The following CHSY1 variants were observed in gnomAD, a reference collection of about 807,000 sequenced individuals.
CHSY1 encodes N-acetylgalactosaminyl-proteoglycan 3-beta-glucuronosyltransferase 1.
Under a neutral mutation model 59.8 loss-of-function variants are expected in CHSY1, and 13 were observed. The ratio of observed to expected loss-of-function variants is 0.22; its 90% confidence interval spans 0.14 to 0.35. The LOEUF (loss-of-function observed/expected upper bound fraction) is 0.35. Ranked by LOEUF, CHSY1 falls within the 10% of genes least tolerant of loss-of-function variation. The probability of loss-of-function intolerance (pLI) is 1.00; values close to 1 mark genes in which losing one functional copy is unlikely to be tolerated. For synonymous variants in CHSY1, 459 were observed against 401.2 expected, an observed-to-expected ratio of 1.14 and a Z score of -1.72; for missense variants, 947 against 1,030.6, an observed-to-expected ratio of 0.92 and a Z score of 1.11.
chr15:101,217,756 G>A (rs944771431), intron 2 of CHSY1, among the ~76,000 whole-genome samples: 3 of 152,142 alleles, frequency 2.0e-5, no homozygotes, highest in Non-Finnish European at 2.9e-5. Context: ...AATAAATGAG[G>A]AAGAACAGAC....
intron 1 of CHSY1, among the ~76,000 whole-genome samples, chr15:101,238,665 T>C (rs1009947949): frequency 6.6e-6 from 1 of 152,228 alleles, no homozygotes; most frequent in African/African-American, 2.4e-5. Context: ...TTGTTAATGT[T>C]TTCCCTTAGT....
chr15:101,233,167 C>T (rs1398414991), intron 2 of CHSY1, among the ~76,000 whole-genome samples: 5 of 152,152 alleles, frequency 3.3e-5, no homozygotes, highest in African/African-American at 7.2e-5. Context: ...GATTACCTCC[C>T]GTCAGAGGAA....
At chr15:101,186,139 G>T (rs1484177985) in intron 2 of CHSY1, among the ~76,000 whole-genome samples, 3 of 122,026 alleles carry the variant, frequency 2.5e-5, no homozygotes, top group Non-Finnish European at 3.3e-5. Context: ...GTGAAACCTT[G>T]TCTCTACCAA....
chr15:101,243,586 A>G (rs1354282132), intron 1 of CHSY1, among the ~76,000 whole-genome samples: 3 of 152,162 alleles, frequency 2.0e-5, no homozygotes, highest in Non-Finnish European at 2.9e-5. Context: ...GTGGTCACCC[A>G]CATCACTTTT....
intron 2 of CHSY1, among the ~76,000 whole-genome samples, chr15:101,234,246 A>T (rs1225082544): frequency 6.6e-6 from 1 of 152,258 alleles, no homozygotes; most frequent in Non-Finnish European, 1.5e-5. Flanking sequence ...AAACTCACAG[A>T]TTAAAGTAAC....
At chr15:101,206,038 C>T (rs950858372) in intron 2 of CHSY1, among the ~76,000 whole-genome samples, 8 of 152,106 alleles carry the variant, frequency 5.3e-5, no homozygotes, top group African/African-American at 1.7e-4. Flanking sequence ...TTCCTATAGA[C>T]AGTAATACGC....
chr15:101,209,102 T>C (rs1259000156), intron 2 of CHSY1, among the ~76,000 whole-genome samples: 1 of 152,178 alleles, frequency 6.6e-6, no homozygotes, highest in Non-Finnish European at 1.5e-5. Context: ...AGAGTAACTT[T>C]ACAGTGGAGA....
At chr15:101,208,511 G>A (rs189058742) in intron 2 of CHSY1, among the ~76,000 whole-genome samples, 169 of 152,200 alleles carry the variant, frequency 1.1e-3, no homozygotes, top group African/African-American at 3.6e-3. Context: ...TCAGGAGTTC[G>A]AGACCAGCCT....
intron 2 of CHSY1, among the ~76,000 whole-genome samples, chr15:101,181,506 T>A (rs113973624): frequency 0.014 from 2,064 of 152,364 alleles, 40 homozygotes; most frequent in African/African-American, 0.043. Context: ...GAGAACAGTC[T>A]GAAGCATGTG....
intron 2 of CHSY1, among the ~76,000 whole-genome samples, chr15:101,216,198 G>A (rs1431345913): frequency 7.1e-6 from 1 of 140,542 alleles, no homozygotes; most frequent in East Asian, 2.9e-4. Flanking sequence ...ATGAGACACC[G>A]CTATATAACT....
intron 2 of CHSY1, among the ~76,000 whole-genome samples, chr15:101,200,639 G>A (rs1457695724): frequency 1.3e-5 from 2 of 152,120 alleles, no homozygotes; most frequent in East Asian, 3.8e-4. Context: ...TGCAGCTCCC[G>A]AGTCTCTCCG....
chr15:101,189,354 C>T (rs745684050), intron 2 of CHSY1: 35 of 743,586 alleles, frequency 4.7e-5, no homozygotes, highest in Non-Finnish European at 5.1e-5. Flanking sequence ...TCTACGAGAA[C>T]GTGATATAAG....
At chr15:101,195,250 G>A (rs1376487654) in intron 2 of CHSY1, among the ~76,000 whole-genome samples, 1 of 152,118 alleles carries the variant, frequency 6.6e-6, no homozygotes, top group Non-Finnish European at 1.5e-5. Flanking sequence ...ATTATACTTT[G>A]CAAACTATAC....
intron 2 of CHSY1, among the ~76,000 whole-genome samples, chr15:101,232,545 C>T (rs1417621647): frequency 6.6e-6 from 1 of 152,122 alleles, no homozygotes; most frequent in African/African-American, 2.4e-5. Context: ...AGAAAACATA[C>T]AGGAGAAAAC....
At chr15:101,243,840 G>A (rs540695524) in intron 1 of CHSY1, among the ~76,000 whole-genome samples, 2 of 152,296 alleles carry the variant, frequency 1.3e-5, no homozygotes, top group Admixed American at 6.5e-5. Context: ...GGATCCGTGT[G>A]CGCCTCTAAA....
At position 101,235,259 on chromosome 15, in the gene CHSY1, C is replaced by A; in HGVS notation, c.639G>T (p.Glu213Asp). Residue 213 changes from glutamate to aspartate, a missense_variant, in exon 2 of 3, where the codon GAG (glutamate) becomes GAT (aspartate). Coordinates refer to ENST00000254190, the MANE Select transcript of CHSY1 (RefSeq NM_014918.5). ...CCCCCATGCAGAAGTTCTCACCAGG[C>A]TCCAGGGCCAGTTTTCCCATTTCTT... is the stretch of plus-strand genomic sequence containing the variant. ...TTEEMGKLAL[E>D]PGENFCMGGP... The A allele has an allele frequency of 6.2e-7, 1 of 1,614,196 alleles. No homozygotes were observed. The highest frequency in any genetic ancestry group is 8.5e-7 in the Non-Finnish European group (1 of 1,180,036).
chr15:101,230,311 G>A (rs2038881293), intron 2 of CHSY1, among the ~76,000 whole-genome samples: 2 of 152,292 alleles, frequency 1.3e-5, no homozygotes, highest in East Asian at 1.9e-4. Context: ...GGGTCTGCCT[G>A]GTTCTCAGGC....
intron 2 of CHSY1, among the ~76,000 whole-genome samples, chr15:101,206,912 G>A (rs956664287): frequency 6.6e-6 from 1 of 152,154 alleles, no homozygotes; most frequent in Non-Finnish European, 1.5e-5. Flanking sequence ...CATAAAAAAA[G>A]TCTCTCTCCC....
rs1440338801 is a variant in CHSY1 at position 101,178,829 on chromosome 15, T to G, written c.968A>C (p.Lys323Thr). The G allele has an allele frequency of 6.2e-7, 1 of 1,614,216 alleles. No individual in the cohort carries two copies. The highest frequency in any genetic ancestry group is 8.5e-7 in the Non-Finnish European group (1 of 1,180,036). ...TGTGCGATGGCGGAGCTCGGATATC[T>G]TGCGGCTCAGCATGTAGCTGTGGAG... Reference protein sequence around the residue: ...YRLHSYMLSRKISELRHRTIQ... With the variant: ...YRLHSYMLSRTISELRHRTIQ... The change falls in exon 3 of 3, where the codon AAG becomes ACG. Residue 323 changes from lysine (K) to threonine (T), a missense_variant. This residue lies in a region of CHSY1 where 602 missense variants were observed against 676.9 expected (regional missense o/e 0.89). Coordinates refer to ENST00000254190, the MANE Select transcript of CHSY1 (RefSeq NM_014918.5).
Sources: gnomAD v4.1 joint callset for allele counts (sites outside exome capture counted in the v4.1 genomes callset) on GRCh38, gnomAD v4.1.1 for gene constraint, gnomAD v4.1.1 regional missense constraint, MANE v1.5 for transcripts, NCBI Gene and HGNC (gene_info 2026-07-23, HGNC 2026-07-21) for gene names.